SGCZ: variants seen among roughly 807,000 people sequenced by gnomAD.
SGCZ encodes the protein sarcoglycan zeta.
SGCZ carries 40 observed loss-of-function variants against 41.3 expected under a neutral mutation model. That is an observed-to-expected ratio of 0.97 (90% CI 0.75 to 1.26). SGCZ has a LOEUF of 1.26. Ranked by LOEUF, SGCZ falls within the 50% of genes most tolerant of loss-of-function variation. The pLI is 0.00. For synonymous variants in SGCZ, 206 were observed against 137.5 expected (o/e 1.50, Z -3.49); for missense variants, 552 against 369.8 (o/e 1.49, Z -4.04).
chr8:15,028,851 G>T (rs970658755), intron 1 of SGCZ, among the ~76,000 whole-genome samples: 1 of 151,910 alleles, frequency 6.6e-6, no homozygotes, highest in Non-Finnish European at 1.5e-5. Context: ...GGTGTTTACA[G>T]GTCTGTAAAT....
rs189661709 is a variant in SGCZ, at chr8:14,533,307, T to G, written c.234+21425A>C. Among the ~76,000 whole-genome samples the G allele has an allele frequency of 1.4e-4, 21 of 151,604 alleles. No individual in the cohort carries two copies. In the East Asian group the frequency reaches 4.1e-3, roughly 30 times the overall value. ...ATGTACCTTTGTAAAATTTAAGAAT[T>G]TTTTACATTTTTGTATTAGCAACAC... is the stretch of plus-strand genomic sequence containing the variant. On this transcript the variant is annotated intron_variant, in intron 2 of 7. Transcript: ENST00000382080.
intron 1 of SGCZ, among the ~76,000 whole-genome samples, chr8:14,877,721 G>A (rs890826437): frequency 6.6e-6 from 1 of 151,958 alleles, no homozygotes; most frequent in African/African-American, 2.4e-5. Flanking sequence ...GTTTTTAAAA[G>A]GCCAAATAAG....
At chr8:15,159,196 T>C (rs999091404) in intron 1 of SGCZ, among the ~76,000 whole-genome samples, 2 of 152,150 alleles carry the variant, frequency 1.3e-5, no homozygotes, top group African/African-American at 4.8e-5. Context: ...AGGGTTTAGA[T>C]AGCTTCTAGA....
chr8:15,021,300 G>A (rs2130942555), intron 1 of SGCZ, among the ~76,000 whole-genome samples: 1 of 152,268 alleles, frequency 6.6e-6, no homozygotes, highest in East Asian at 1.9e-4. Flanking sequence ...GTGAATTCAG[G>A]CCTCATGGTA....
At chr8:14,105,104 T>TAACTA (rs1802161522) in intron 6 of SGCZ, among the ~76,000 whole-genome samples, 1 of 152,088 alleles carries the variant, frequency 6.6e-6, no homozygotes, top group African/African-American at 2.4e-5. Context: ...ATGTCTTTGT[T>TAACTA]AACTATTTAA....
chr8:14,572,617 T>C lies in SGCZ; in HGVS notation c.40-17691A>G, dbSNP rs550868757. Among the ~76,000 whole-genome samples, 3 of 152,290 alleles carry C rather than the reference T, an allele frequency of 2.0e-5. No homozygotes were observed. The South Asian group carries it at 6.2e-4, about 32-fold the overall frequency. ...AGGAGACATAGGAGGAGGCTTTTGA[T>C]TCCTGAACTCACTTTCAAAGCCATA... On this transcript the variant is annotated intron_variant, in intron 1 of 7. Transcript: ENST00000382080.
intron 1 of SGCZ, among the ~76,000 whole-genome samples, chr8:14,995,228 C>T (rs369904147): frequency 6.6e-6 from 1 of 152,210 alleles, no homozygotes; most frequent in Non-Finnish European, 1.5e-5. Flanking sequence ...AAAGCTCACG[C>T]TGGTAGCTCT....
intron 2 of SGCZ, among the ~76,000 whole-genome samples, chr8:14,451,723 C>CA (rs1800599367): frequency 6.6e-6 from 1 of 152,040 alleles, no homozygotes; most frequent in Non-Finnish European, 1.5e-5. Context: ...ATACAAGTGG[C>CA]AAGTAAGCAT....
At chr8:15,214,836 T>G (rs1801346919) in intron 1 of SGCZ, among the ~76,000 whole-genome samples, 1 of 152,152 alleles carries the variant, frequency 6.6e-6, no homozygotes, top group Non-Finnish European at 1.5e-5. Flanking sequence ...ATTAGAGATG[T>G]TACCAGAGCA....
At chr8:14,292,218 T>C (rs1173951550) in intron 3 of SGCZ, among the ~76,000 whole-genome samples, 2 of 152,056 alleles carry the variant, frequency 1.3e-5, no homozygotes, top group African/African-American at 4.8e-5. Context: ...TTTTTCATTC[T>C]TCAAACAAGA....
intron 1 of SGCZ, among the ~76,000 whole-genome samples, chr8:14,911,158 C>G (rs1799270847): frequency 6.6e-6 from 1 of 152,014 alleles, no homozygotes; most frequent in South Asian, 2.1e-4. Context: ...TAAGAGAAAA[C>G]AGAGTAAGCA....
intron 1 of SGCZ, among the ~76,000 whole-genome samples, chr8:14,887,706 G>A (rs376150068): frequency 2.4e-4 from 37 of 152,108 alleles, no homozygotes; most frequent in African/African-American, 8.9e-4. Context: ...CAATATGACA[G>A]GAAAGAGTTA....
chr8:14,216,935 G>C (rs1476605303), intron 4 of SGCZ, among the ~76,000 whole-genome samples: 1 of 152,140 alleles, frequency 6.6e-6, no homozygotes, highest in Non-Finnish European at 1.5e-5. Context: ...TAGCAGAACA[G>C]TTATGTATAC....
intron 2 of SGCZ, among the ~76,000 whole-genome samples, chr8:14,492,282 G>A (rs1563364833): frequency 6.6e-6 from 1 of 152,212 alleles, no homozygotes; most frequent in Non-Finnish European, 1.5e-5. Context: ...AATGAATTGG[G>A]ATAATGGGTA....
At chr8:14,797,628 G>C (rs776324193) in intron 1 of SGCZ, among the ~76,000 whole-genome samples, 1 of 152,252 alleles carries the variant, frequency 6.6e-6, no homozygotes, top group Non-Finnish European at 1.5e-5. Flanking sequence ...ATTTGCACAA[G>C]TGACAAGGAG....
chr8:14,117,311 A>G (rs1457855012), intron 5 of SGCZ, among the ~76,000 whole-genome samples: 4 of 151,516 alleles, frequency 2.6e-5, no homozygotes, highest in Admixed American at 6.6e-5. Context: ...CAAATATCTC[A>G]CCATGAACAG....
At chr8:15,201,847 A>ATGGT (rs1800902290) in intron 1 of SGCZ, among the ~76,000 whole-genome samples, 1 of 152,080 alleles carries the variant, frequency 6.6e-6, no homozygotes, top group South Asian at 2.1e-4. Context: ...TGACATCTCT[A>ATGGT]TTTTTTCAGT....
chr8:14,620,788 A>G (rs1313898922), intron 1 of SGCZ, among the ~76,000 whole-genome samples: 1 of 152,188 alleles, frequency 6.6e-6, no homozygotes, highest in East Asian at 1.9e-4. Flanking sequence ...GTCAGGAAAC[A>G]ACAGGTGCTG....
chr8:14,391,906 G>A (rs1804789626), intron 2 of SGCZ, among the ~76,000 whole-genome samples: 1 of 151,968 alleles, frequency 6.6e-6, no homozygotes, highest in South Asian at 2.1e-4. Flanking sequence ...TCCTGCTCCT[G>A]CCACATCCTC....
Sources: gnomAD v4.1 joint callset for allele counts (sites outside exome capture counted in the v4.1 genomes callset) on GRCh38, gnomAD v4.1.1 for gene constraint, MANE v1.5 for transcripts, NCBI Gene and HGNC (gene_info 2026-07-23, HGNC 2026-07-21) for gene names.